EVC: variants seen among roughly 807,000 people sequenced by gnomAD.
The protein encoded by EVC is EvC ciliary complex subunit 1.
In EVC, 116 loss-of-function variants were observed where a neutral mutation model predicts 118.9. That is an observed-to-expected ratio of 0.98 (90% CI 0.84 to 1.14). EVC has a LOEUF of 1.14. EVC is among the 50% of genes most tolerant of loss of function. The pLI is 0.00. For missense variants in EVC, 1,401 were observed against 1,246.4 expected (o/e 1.12, Z -1.87); for synonymous variants, 619 against 534.7 (o/e 1.16, Z -2.18).
At chr4:5,727,595 T>C (rs942693864) in intron 2 of EVC, among the ~76,000 whole-genome samples, 9 of 151,936 alleles carry the variant, frequency 5.9e-5, no homozygotes, top group African/African-American at 1.9e-4. Context: ...CATTTGTCAA[T>C]TTTGGCTTTT....
chr4:5,791,757 A>T (rs1482749675), intron 12 of EVC, among the ~76,000 whole-genome samples: 2 of 151,990 alleles, frequency 1.3e-5, no homozygotes, highest in Non-Finnish European at 2.9e-5. Flanking sequence ...TACATGAAAG[A>T]TGGAGCCAAA....
chr4:5,808,130 TCTCCCTCC>T lies in EVC; in HGVS notation c.2562-48_2562-41del, dbSNP rs1177063514. On this transcript the variant is annotated intron_variant, in intron 17 of 20. Coordinates refer to ENST00000264956, the MANE Select transcript of EVC (RefSeq NM_153717.3). ...GGATCAGCAGCCTCCCTGCCTTCCT[TCTCCCTCC>T]CTCCCTCCCTCCCTCCCTCCCTTCC... 171 of 314,910 alleles carry T rather than the reference TCTCCCTCC, an allele frequency of 5.4e-4. 4 individuals are homozygous for T. The highest frequency in any genetic ancestry group is 9.3e-4 in the African/African-American group (14 of 15,060). The allele number at this position is 314,910 out of a possible 1,614,324, so 19.5% of individuals were successfully genotyped here.
rs1215431129 is a variant in EVC at position 5,797,212 on chromosome 4, T to A, written c.2077T>A (p.Trp693Arg). 2.5e-6 allele frequency: 4 copies of A among 1,610,964 alleles called. No individual in the cohort carries two copies. Among genetic ancestry groups the A allele is most frequent in the Non-Finnish European group, 3.4e-6 (4 of 1,179,490 alleles). ...CTCCCAGTGCCTGGACGAGCATCAG[T>A]GGCAGCTGCTCAGGGCCCTGGTAAG... ...GSSQCLDEHQWQLLRALEARV... is the reference protein window; with the variant it reads ...GSSQCLDEHQRQLLRALEARV... The change falls in exon 14 of 21, where the codon TGG becomes AGG. Residue 693 changes from tryptophan (W) to arginine (R), a missense_variant. Physicochemically the swap from Trp to Arg is moderately radical, Grantham distance 101. Coordinates refer to ENST00000264956, the MANE Select transcript of EVC (RefSeq NM_153717.3).
intron 11 of EVC, among the ~76,000 whole-genome samples, 190 bp from the exon 12 acceptor site, chr4:5,783,360 AGT>A (rs1735923340): frequency 6.7e-6 from 1 of 148,252 alleles, no homozygotes; most frequent in East Asian, 1.9e-4. Flanking sequence ...TGTGTGTACA[AGT>A]GTGTGTGCAT....
rs1170972234 is a variant in EVC, at chr4:5,748,299, A to G, written c.1091A>G (p.Gln364Arg). Residue 364 changes from glutamine to arginine, a missense_variant, in exon 8 of 21, where the codon CAG (glutamine) becomes CGG (arginine). Transcript: ENST00000264956. ...CTATTGTGCGATTCTCAGGAGCTGC[A>G]GGCTCTGGTAATGCTGGAGGGGGCG... ...EGLLCDSQELQALDALERTMG... is the reference protein window; with the variant it reads ...EGLLCDSQELRALDALERTMG... 3.1e-6 allele frequency: 5 copies of G among 1,613,964 alleles called. No homozygotes were observed. The highest frequency in any genetic ancestry group is 2.7e-5 in the African/African-American group (2 of 74,898).
At chr4:5,782,062 A>G (rs940256729) in intron 11 of EVC, among the ~76,000 whole-genome samples, 1 of 151,994 alleles carries the variant, frequency 6.6e-6, no homozygotes, top group Non-Finnish European at 1.5e-5. Flanking sequence ...GTAAAGTTCC[A>G]TGTTTTTTGT....
At chr4:5,728,089 GT>G (rs532593968) in intron 2 of EVC, among the ~76,000 whole-genome samples, 1 of 152,082 alleles carries the variant, frequency 6.6e-6, no homozygotes, top group Non-Finnish European at 1.5e-5. Flanking sequence ...CTTTAAAGTG[GT>G]TTTTTCCAGT....
At chr4:5,713,680 A>G (rs1407169294) in intron 1 of EVC, among the ~76,000 whole-genome samples, 1 of 143,036 alleles carries the variant, frequency 7.0e-6, no homozygotes, top group Non-Finnish European at 1.5e-5. Context: ...CCGTCTCAAA[A>G]AAAAAAAAAA....
rs757556019 is a variant in EVC, at chr4:5,783,673, A to G, written c.1685A>G (p.Gln562Arg). 5 of 1,614,178 alleles carry G rather than the reference A, an allele frequency of 3.1e-6. No homozygotes were observed. The East Asian group carries it at 1.1e-4, about 36-fold the overall frequency. Residue 562 changes from glutamine (Q) to arginine (R), a missense_variant, in exon 12 of 21, where the codon CAG becomes CGG. Physicochemically the swap from Gln to Arg is conservative, Grantham distance 43 (BLOSUM62 1). Coordinates refer to ENST00000264956, the MANE Select transcript of EVC (RefSeq NM_153717.3). ...TGTGACTACTTGAGGCAGGAAGTCC[A>G]GGAGAACGCTGCCTGGCAGCTGGGG... is the stretch of plus-strand genomic sequence containing the variant. The part of the protein sequence containing the change: ...EECDYLRQEV[Q>R]ENAAWQLGKS...
intron 11 of EVC, among the ~76,000 whole-genome samples, chr4:5,774,700 C>T (rs1471678755): frequency 6.6e-6 from 1 of 152,014 alleles, no homozygotes. Flanking sequence ...GCTGTGTGTG[C>T]TTCTGTTTGA....
chr4:5,822,480 T>C, the EVC span, among the ~76,000 whole-genome samples: 3 of 140,794 alleles, frequency 2.1e-5, no homozygotes, highest in Non-Finnish European at 4.5e-5. Context: ...TCATTGGCGA[T>C]AGGTGGATCT....
At chr4:5,827,034 T>G in the EVC span, among the ~76,000 whole-genome samples, 2 of 152,162 alleles carry the variant, frequency 1.3e-5, no homozygotes, top group Non-Finnish European at 2.9e-5. Flanking sequence ...GAAGCTCAGG[T>G]GGCCAGAGGC....
At chr4:5,736,029 T>G (rs1727612661) in intron 5 of EVC, among the ~76,000 whole-genome samples, 2 of 152,068 alleles carry the variant, frequency 1.3e-5, no homozygotes, top group Admixed American at 1.3e-4. Context: ...CCCTCATGCA[T>G]CCCAGAAGCT....
At chr4:5,759,446 C>A (rs1731672135) in intron 11 of EVC, among the ~76,000 whole-genome samples, 1 of 152,068 alleles carries the variant, frequency 6.6e-6, no homozygotes, top group East Asian at 1.9e-4. Context: ...GTTCAAATTC[C>A]CAGCCGGGCC....
chr4:5,719,354 AG>A lies in EVC; in HGVS notation c.283del (p.Asp95ThrfsTer21). The A allele has an allele frequency of 6.2e-7, 1 of 1,614,186 alleles. No homozygotes were observed. The highest frequency in any genetic ancestry group is 8.5e-7 in the Non-Finnish European group (1 of 1,180,018). On this transcript the variant is annotated frameshift_variant, in exon 2 of 21. Coordinates refer to ENST00000264956, the MANE Select transcript of EVC (RefSeq NM_153717.3). LOFTEE classifies it high-confidence loss of function. The surrounding 1 kb of genome is among the most constrained non-coding windows in gnomAD (Gnocchi z 4.7). ...AGGAAGAGAGAAGTGCAGATGTCGA[AG>A]GACAAGGAAGCTGTTGATGTAAGCT... ...RRRKREVQMS[K>X]DKEAVDECEP... is the part of the protein sequence containing the mutation.
intron 11 of EVC, among the ~76,000 whole-genome samples, chr4:5,766,691 C>T (rs200936003): frequency 0.37 from 45,552 of 122,930 alleles, 7,960 homozygotes; most frequent in East Asian, 0.45. Flanking sequence ...TCCAGTTGAT[C>T]GCATCGGCTC....
intron 11 of EVC, among the ~76,000 whole-genome samples, chr4:5,773,594 G>A (rs1477132958): frequency 6.6e-6 from 1 of 152,132 alleles, no homozygotes; most frequent in Non-Finnish European, 1.5e-5. Context: ...TGGGTGCCGG[G>A]AGAGAGACTG....
At chr4:5,750,864 G>T (rs183875105) in intron 8 of EVC, among the ~76,000 whole-genome samples, 1 of 152,096 alleles carries the variant, frequency 6.6e-6, no homozygotes, top group Non-Finnish European at 1.5e-5. Flanking sequence ...CCTGCATACC[G>T]GGCACCAAAG....
At position 5,797,192 on chromosome 4, in the gene EVC, A is replaced by C; in HGVS notation, c.2057A>C (p.Gln686Pro). The change falls in exon 14 of 21, where the codon CAG (glutamine) becomes CCG (proline). Residue 686 changes from glutamine to proline, a missense_variant. Physicochemically the swap from Gln to Pro is moderately conservative, Grantham distance 76. Coordinates refer to ENST00000264956, the MANE Select transcript of EVC (RefSeq NM_153717.3). ...CGTGCACTGGAGCAGGGGTCCTCCC[A>C]GTGCCTGGACGAGCATCAGTGGCAG... ...EQRALEQGSS[Q>P]CLDEHQWQLL... 6.2e-7 allele frequency: 1 copy of C among 1,612,914 alleles called. No individual in the cohort carries two copies.
Sources: gnomAD v4.1 joint callset for allele counts (sites outside exome capture counted in the v4.1 genomes callset) on GRCh38, gnomAD v4.1.1 for gene constraint, Gnocchi (gnomAD v3.1) non-coding constraint, MANE v1.5 for transcripts, NCBI Gene and HGNC (gene_info 2026-07-23, HGNC 2026-07-21) for gene names.